KIF26B: variants seen among roughly 807,000 people sequenced by gnomAD.
KIF26B encodes the protein kinesin-like protein KIF26B.
KIF26B carries 63 observed loss-of-function variants against 151.2 expected under a neutral mutation model. That is an observed-to-expected ratio of 0.42 (90% CI 0.34 to 0.51). The LOEUF (loss-of-function observed/expected upper bound fraction) is 0.51, where lower values mean the gene tolerates loss of function less well. Ranked by LOEUF, KIF26B falls within the 20% of genes least tolerant of loss-of-function variation. The pLI is 0.07. For synonymous variants in KIF26B, 1,357 were observed against 1,262.1 expected, an observed-to-expected ratio of 1.08 and a Z score of -1.59; for missense variants, 2,813 against 2,913.6, an observed-to-expected ratio of 0.97 and a Z score of 0.79.
chr1:245,228,024 GGC>G (rs1669912094), intron 2 of KIF26B, among the ~76,000 whole-genome samples: 1 of 151,970 alleles, frequency 6.6e-6, no homozygotes, highest in Admixed American at 6.6e-5. Flanking sequence ...AACACACTGT[GGC>G]TATATTTATT....
chr1:245,468,234 C>A (rs1478757891), intron 4 of KIF26B, among the ~76,000 whole-genome samples: 1 of 152,196 alleles, frequency 6.6e-6, no homozygotes, highest in Non-Finnish European at 1.5e-5. Flanking sequence ...TCCAGTGACT[C>A]TTAGATGGAA....
intron 2 of KIF26B, among the ~76,000 whole-genome samples, chr1:245,204,442 C>T (rs150754660): frequency 7.9e-5 from 12 of 151,562 alleles, no homozygotes; most frequent in East Asian, 3.9e-4. Context: ...GGTGCGATCT[C>T]GGCTCACCGC....
chr1:245,497,337 C>A (rs1287749502), intron 4 of KIF26B, among the ~76,000 whole-genome samples: 1 of 152,132 alleles, frequency 6.6e-6, no homozygotes, highest in African/African-American at 2.4e-5. Context: ...AACAATGACA[C>A]AATTCATTTC....
intron 5 of KIF26B, among the ~76,000 whole-genome samples, chr1:245,592,898 T>C (rs969039416): frequency 4.6e-5 from 7 of 152,212 alleles, no homozygotes; most frequent in Non-Finnish European, 7.3e-5. Context: ...GATGGAGCAA[T>C]GGCTTTGTAA....
chr1:245,258,670 G>A (rs2103568811), intron 2 of KIF26B, among the ~76,000 whole-genome samples: 1 of 152,254 alleles, frequency 6.6e-6, no homozygotes, highest in African/African-American at 2.4e-5. Context: ...CACAGCATCT[G>A]ACCCGGGCCT....
intron 2 of KIF26B, among the ~76,000 whole-genome samples, chr1:245,254,489 C>T (rs1010011414): frequency 6.6e-6 from 1 of 152,102 alleles, no homozygotes; most frequent in Non-Finnish European, 1.5e-5. Context: ...ACATTCTTTT[C>T]GAATGATGAC....
intron 10 of KIF26B, among the ~76,000 whole-genome samples, chr1:245,679,609 T>C (rs1238839957): frequency 6.6e-6 from 1 of 151,564 alleles, no homozygotes; most frequent in African/African-American, 2.4e-5. Flanking sequence ...GCTGGGATTA[T>C]AGGCGCGCGC....
At chr1:245,541,045 T>C (rs2103102931) in intron 5 of KIF26B, 95 bp downstream of exon 5, 1 of 1,032,030 alleles carries the variant, frequency 9.7e-7, no homozygotes, top group East Asian at 2.6e-5. Flanking sequence ...TGTATTAAAA[T>C]AAGACGTTGC....
rs375330671 is a variant in KIF26B, at chr1:245,369,195, G to GAGAGAGAGAC, written c.999+1831_999+1832insGAGAGACAGA. ...AGAGAGAGAGAGAGAGAGAGAGAGA[G>GAGAGAGAGAC]AGACAGACAGACAGACAGACAGTTT... On this transcript the variant is annotated intron_variant, in intron 3 of 14. Transcript: ENST00000407071. Among the ~76,000 whole-genome samples the GAGAGAGAGAC allele has an allele frequency of 9.6e-3, 1,239 of 129,548 alleles. 9 individuals are homozygous for GAGAGAGAGAC. Among genetic ancestry groups the GAGAGAGAGAC allele is most frequent in the Middle Eastern group, 0.027 (7 of 264 alleles). The allele number at this position is 129,548 out of a possible 152,430, so 85.0% of individuals were successfully genotyped here. A position where few individuals can be genotyped will look rare whatever the true frequency, so the allele number is the denominator to read the frequency against.
At chr1:245,173,569 T>C (rs66978882) in intron 2 of KIF26B, among the ~76,000 whole-genome samples, 18,094 of 151,872 alleles carry the variant, frequency 0.12, 1,136 homozygotes, top group African/African-American at 0.14. Context: ...ACTTTACGGG[T>C]AAAGAAGCTC....
At chr1:245,693,079 C>T (rs1399083938) in intron 12 of KIF26B, among the ~76,000 whole-genome samples, 2 of 152,226 alleles carry the variant, frequency 1.3e-5, no homozygotes, top group Non-Finnish European at 2.9e-5. Context: ...CTATTTTCTT[C>T]CTCCAGTCTC....
At chr1:245,538,850 G>A (rs1661540712) in intron 4 of KIF26B, among the ~76,000 whole-genome samples, 1 of 152,128 alleles carries the variant, frequency 6.6e-6, no homozygotes, top group African/African-American at 2.4e-5. Context: ...GTGTGCGGGT[G>A]TTAGAAGGTG....
rs1325163425 is a variant in KIF26B, at chr1:245,156,301, C to T, written c.83C>T (p.Pro28Leu). Residue 28 changes from proline (P) to leucine (L), a missense_variant, in exon 2 of 15, where the codon CCC becomes CTC. Physicochemically the swap from Pro to Leu is moderately conservative, Grantham distance 98. Coordinates refer to ENST00000407071, the MANE Select transcript of KIF26B (RefSeq NM_018012.4). ...CCGCAGGTGAATGAAGTCTGCTCGCCCACCAAGCCCGCAGCGCCCTTCTCC... is the reference window on the plus strand; with the variant it reads ...CCGCAGGTGAATGAAGTCTGCTCGCTCACCAAGCCCGCAGCGCCCTTCTCC... ...KKYGVNEVCS[P>L]TKPAAPFSPE... 1 of 1,547,320 alleles carries T rather than the reference C, an allele frequency of 6.5e-7. No homozygotes were observed. The highest frequency in any genetic ancestry group is 8.7e-7 in the Non-Finnish European group (1 of 1,146,006).
At chr1:245,505,138 A>C (rs981078000) in intron 4 of KIF26B, among the ~76,000 whole-genome samples, 5 of 151,120 alleles carry the variant, frequency 3.3e-5, no homozygotes, top group Non-Finnish European at 7.4e-5. Flanking sequence ...GGGTTTCACC[A>C]TGTTGGCCAG....
intron 4 of KIF26B, among the ~76,000 whole-genome samples, chr1:245,469,455 A>T (rs757390579): frequency 6.6e-6 from 1 of 152,264 alleles, no homozygotes; most frequent in African/African-American, 2.4e-5. Flanking sequence ...TAGGTAGCAG[A>T]ACTGATTGGC....
chr1:245,537,215 C>T (rs527514084), intron 4 of KIF26B, among the ~76,000 whole-genome samples: 2 of 152,224 alleles, frequency 1.3e-5, no homozygotes, highest in East Asian at 3.9e-4. Context: ...GCAGAGCATT[C>T]CAGGCTGACT....
intron 12 of KIF26B, among the ~76,000 whole-genome samples, chr1:245,693,979 A>C (rs2044657079): frequency 6.6e-6 from 1 of 152,212 alleles, no homozygotes; most frequent in African/African-American, 2.4e-5. Context: ...AGAGTCATTG[A>C]TTCTCTCAGA....
chr1:245,342,915 G>C (rs766458521), intron 2 of KIF26B, among the ~76,000 whole-genome samples: 1 of 151,930 alleles, frequency 6.6e-6, no homozygotes, highest in African/African-American at 2.4e-5. Flanking sequence ...GTGAAACCCC[G>C]TCTCTGCTAA....
intron 2 of KIF26B, among the ~76,000 whole-genome samples, chr1:245,328,158 C>T (rs1005790488): frequency 4.8e-5 from 7 of 145,500 alleles, no homozygotes; most frequent in Middle Eastern, 7.4e-3. Context: ...GAGGAGAGGG[C>T]GGGAGAGAGA....
Sources: allele counts gnomAD v4.1 joint callset (sites outside exome capture counted in the v4.1 genomes callset), GRCh38; gene constraint gnomAD v4.1.1; transcripts MANE v1.5; gene names NCBI Gene and HGNC (gene_info 2026-07-23, HGNC 2026-07-21).